The following ADGRE3 variants were observed in gnomAD, a reference collection of about 807,000 sequenced individuals.
ADGRE3 encodes the protein EGF-like module receptor 3.
In ADGRE3, 88 loss-of-function variants were observed where a neutral mutation model predicts 80.1. That is an observed-to-expected ratio of 1.10 (90% confidence interval 0.93 to 1.31). The LOEUF is 1.31. ADGRE3 is among the 40% of genes most tolerant of loss of function. The probability of loss-of-function intolerance (pLI) is 0.00; values close to 1 mark genes in which losing one functional copy is unlikely to be tolerated. For missense variants in ADGRE3, 715 were observed against 776.5 expected (o/e 0.92, Z 0.94); for synonymous variants, 281 against 294.8 (o/e 0.95, Z 0.48).
At chr19:14,659,235 G>C (rs1971869820) in intron 4 of ADGRE3, among the ~76,000 whole-genome samples, 4 of 151,512 alleles carry the variant, frequency 2.6e-5, no homozygotes, top group Admixed American at 2.0e-4. Flanking sequence ...TAGAGATGGG[G>C]TTTCGCCATG....
At chr19:14,607,957 A>G in the ADGRE3 span, among the ~76,000 whole-genome samples, 1 of 151,646 alleles carries the variant, frequency 6.6e-6, no homozygotes, top group South Asian at 2.1e-4. Flanking sequence ...TGCAGCCTCA[A>G]CCTCCCAGGC....
At chr19:14,654,945 A>G (rs781120480) in intron 6 of ADGRE3, 37 bp downstream of exon 6, 1 of 1,550,188 alleles carries the variant, frequency 6.5e-7, no homozygotes, top group South Asian at 1.2e-5. Context: ...GCTGCTAACC[A>G]GTCCCCAGGG....
intron 8 of ADGRE3, among the ~76,000 whole-genome samples, chr19:14,646,117 TTTC>T (rs1161275030): frequency 2.6e-5 from 4 of 152,158 alleles, no homozygotes; most frequent in Admixed American, 6.5e-5. Flanking sequence ...TTTACATTCC[TTTC>T]TTCTTCTCTT....
intron 4 of ADGRE3, among the ~76,000 whole-genome samples, chr19:14,659,503 G>A (rs552363500): frequency 2.6e-5 from 4 of 152,204 alleles, no homozygotes; most frequent in African/African-American, 9.6e-5. Flanking sequence ...AGACTTTTGT[G>A]TTGGTTTCTG....
chr19:14,616,896 G>C (rs563646440), downstream of ADGRE3, among the ~76,000 whole-genome samples: 8 of 151,142 alleles, frequency 5.3e-5, 1 homozygote, highest in South Asian at 1.7e-3. Context: ...CCGGGTTCAA[G>C]TGATTCTCCT....
At chr19:14,637,393 CTTTT>C (rs34233724) in intron 11 of ADGRE3, among the ~76,000 whole-genome samples, 7 of 127,564 alleles carry the variant, frequency 5.5e-5, no homozygotes, top group Admixed American at 8.2e-5. Flanking sequence ...TTTTTAAGCT[CTTTT>C]TTTTTTTTTT....
rs1198401004 is a variant in ADGRE3 at position 14,667,895 on chromosome 19, TA to T, written c.76+906del. On this transcript the variant is annotated intron_variant, in intron 2 of 15. Transcript: ENST00000253673. Reference sequence around the variant, plus strand: ...AGTTCGGTGGAATTTAATACCTTCATAATGTTGTGGAACCATCTCCATAACT... The same window carrying T: ...AGTTCGGTGGAATTTAATACCTTCATATGTTGTGGAACCATCTCCATAACT... 3.3e-5 allele frequency among the ~76,000 whole-genome samples: 5 copies of T among 152,314 alleles called. No homozygotes were observed. In the East Asian group the frequency reaches 9.6e-4, roughly 29 times the overall value.
Position 14,633,434 on chromosome 19 carries a change from C to T in ADGRE3, c.1485-132G>A, listed in dbSNP as rs553622179. ...AAGTCAGCTGATGACAGGCCAGGCA[C>T]GGTGGCTCACGCCTGTAATCCCAGC... On this transcript the variant is annotated intron_variant, in intron 11 of 15. Coordinates refer to ENST00000253673, the MANE Select transcript of ADGRE3 (RefSeq NM_032571.5). 1.7e-4 allele frequency: 101 copies of T among 611,412 alleles called. 1 individual carries two copies. Among genetic ancestry groups the T allele is most frequent in the South Asian group, 1.3e-3 (62 of 47,230 alleles). The allele number at this position is 611,412 out of a possible 1,614,324, so 37.9% of individuals were successfully genotyped here. A position where few individuals can be genotyped will look rare whatever the true frequency, so the allele number is the denominator to read the frequency against.
chr19:14,600,738 C>T, the ADGRE3 span, among the ~76,000 whole-genome samples: 2 of 151,320 alleles, frequency 1.3e-5, no homozygotes, highest in Admixed American at 6.6e-5. Flanking sequence ...CCCACCACCA[C>T]GCCCGGCTAA....
intron 4 of ADGRE3, among the ~76,000 whole-genome samples, chr19:14,659,202 A>AT (rs76495651): frequency 1.4e-4 from 21 of 147,186 alleles, no homozygotes; most frequent in South Asian, 4.3e-4. Flanking sequence ...ACCTGGCTAA[A>AT]TTTTTTTTTT....
At chr19:14,609,609 G>C in the ADGRE3 span, among the ~76,000 whole-genome samples, 3 of 148,220 alleles carry the variant, frequency 2.0e-5, no homozygotes, top group African/African-American at 7.5e-5. Context: ...AGGCTGAGGC[G>C]GGCGGATCAC....
In ADGRE3 at chr19:14,659,713, C is replaced by T. The variant is rs556715231; in HGVS notation, c.356-1163G>A. Among the ~76,000 whole-genome samples the T allele has an allele frequency of 6.9e-4, 102 of 146,764 alleles. 1 individual carries two copies. Among genetic ancestry groups the T allele is most frequent in the African/African-American group, 2.3e-3 (91 of 39,806 alleles). ...GCGGGTGCCTGTAATCCCAGCTACT[C>T]GGGAGGCTGAGGCAGGAGAATCTCT... On this transcript the variant is annotated intron_variant, in intron 4 of 15. Coordinates refer to ENST00000253673, the MANE Select transcript of ADGRE3 (RefSeq NM_032571.5).
the ADGRE3 span, chr19:14,610,043 C>A: frequency 5.1e-5 from 81 of 1,592,954 alleles, no homozygotes; most frequent in Non-Finnish European, 6.6e-5. Flanking sequence ...TGTCCCTCTG[C>A]CCACTTTTTC....
downstream of ADGRE3, among the ~76,000 whole-genome samples, chr19:14,615,005 C>A (rs996687705): frequency 2.0e-5 from 3 of 151,728 alleles, no homozygotes; most frequent in Non-Finnish European, 4.4e-5. Flanking sequence ...CCCACCTCAG[C>A]CTCCCAAGTA....
intron 15 of ADGRE3, among the ~76,000 whole-genome samples, chr19:14,624,233 T>C (rs1157512141): frequency 6.6e-6 from 1 of 152,138 alleles, no homozygotes; most frequent in Admixed American, 6.6e-5. Context: ...TAGCTGGGAT[T>C]ACAGGCATGT....
At chr19:14,620,568 A>ATATTTTTTTTT (rs1435435269) in intron 15 of ADGRE3, among the ~76,000 whole-genome samples, 2 of 11,052 alleles carry the variant, frequency 1.8e-4, no homozygotes, top group Non-Finnish European at 1.5e-4. Context: ...ATATATATAT[A>ATATTTTTTTTT]TTTTTTTTTT....
chr19:14,647,626 C>T (rs1971452209), intron 7 of ADGRE3, among the ~76,000 whole-genome samples: 1 of 151,498 alleles, frequency 6.6e-6, no homozygotes. Flanking sequence ...CTATGTTGGC[C>T]AGGCTGGTCT....
intron 14 of ADGRE3, among the ~76,000 whole-genome samples, chr19:14,629,129 C>G (rs546838565): frequency 6.6e-6 from 1 of 151,912 alleles, no homozygotes; most frequent in African/African-American, 2.4e-5. Context: ...TCGCCATGTT[C>G]GTCAGGCTGG....
the ADGRE3 span, among the ~76,000 whole-genome samples, chr19:14,605,945 G>A: frequency 7.5e-4 from 114 of 152,144 alleles, no homozygotes; most frequent in African/African-American, 2.7e-3. Context: ...TCAGTATGTT[G>A]CCCAGACTAA....
Sources: allele counts gnomAD v4.1 joint callset (sites outside exome capture counted in the v4.1 genomes callset), GRCh38; gene constraint gnomAD v4.1.1; transcripts MANE v1.5; gene names NCBI Gene and HGNC (gene_info 2026-07-23, HGNC 2026-07-21).